EML3: variants seen among roughly 807,000 people sequenced by gnomAD.
EML3 encodes the protein EMAP like 3, also known as echinoderm microtubule-associated protein-like 3.
EML3 carries 53 observed loss-of-function variants against 106.7 expected under a neutral mutation model. The ratio of observed to expected loss-of-function variants is 0.50; its 90% confidence interval spans 0.40 to 0.62. EML3 has a LOEUF of 0.62. EML3 is among the 20% of genes least tolerant of loss of function. The probability of loss-of-function intolerance (pLI) is 0.00; values close to 1 mark genes in which losing one functional copy is unlikely to be tolerated. For synonymous variants in EML3, 499 were observed against 489.6 expected (o/e 1.02, Z -0.25); for missense variants, 994 against 1,209.1 (o/e 0.82, Z 2.64).
rs751526266 is a variant in EML3, at chr11:62,607,764, C to G, written c.1264G>C (p.Val422Leu). ...TGGACGTGAGATTTCCCACTGGTGA[C>G]GATGCAGCTGCTGTCACGAGGGTTG... ...GFNPRDSSCI[V>L]TSGKSHVHFW... Residue 422 changes from valine to leucine, a missense_variant, in exon 11 of 22, where the codon GTC (valine) becomes CTC (leucine). This residue lies in a region of EML3 where 713 missense variants were observed against 920.5 expected (regional missense o/e 0.77). Transcript: ENST00000394773. 1 of 1,613,914 alleles carries G rather than the reference C, an allele frequency of 6.2e-7. No homozygotes were observed. Among genetic ancestry groups the G allele is most frequent in the African/African-American group, 1.3e-5 (1 of 74,862 alleles).
chr11:62,610,733 A>G, intron 4 of EML3, 146 bp downstream of exon 4: 1 of 677,422 alleles, frequency 1.5e-6, no homozygotes, highest in Non-Finnish European at 2.5e-6. Flanking sequence ...TGCCCGGTAC[A>G]CAGCAGGCGC....
chr11:62,609,840 T>A (rs942853216), intron 4 of EML3, 144 bp from the exon 5 acceptor site: 5 of 643,080 alleles, frequency 7.8e-6, no homozygotes, highest in Non-Finnish European at 1.3e-5. Flanking sequence ...ATCAGGGCCC[T>A]AGTAGATGGA....
Position 62,603,834 on chromosome 11 carries a change from G to A in EML3, c.2170-18C>T. 1.2e-6 allele frequency: 2 copies of A among 1,613,762 alleles called. No homozygotes were observed. The highest frequency in any genetic ancestry group is 8.5e-7 in the Non-Finnish European group (1 of 1,179,684). ...GAGTGACCCTGGGAGCAAAGGTCAA[G>A]AGTTTTAAAGTATCCCATCCATTTC... On this transcript the variant is annotated intron_variant, in intron 18 of 21. Transcript: ENST00000394773.
intron 11 of EML3, 35 bp from the exon 12 acceptor site, chr11:62,607,134 AG>A: frequency 6.2e-7 from 1 of 1,609,080 alleles, no homozygotes; most frequent in Non-Finnish European, 8.5e-7. Flanking sequence ...TAGAGGTCAA[AG>A]GGAAGGGCAA....
chr11:62,612,109 T>G, intron 1 of EML3: 1 of 456,276 alleles, frequency 2.2e-6, no homozygotes, highest in East Asian at 4.1e-5. Context: ...GTGAGCAGAG[T>G]CACAGTGAAG....
At chr11:62,612,309 G>GA (rs1488357508) in intron 1 of EML3, 127 bp downstream of exon 1, 1 of 930,460 alleles carries the variant, frequency 1.1e-6, no homozygotes, top group Non-Finnish European at 1.6e-6. Flanking sequence ...AACTGTGGAG[G>GA]ATGCTCGGAG....
intron 1 of EML3, 136 bp downstream of exon 1, chr11:62,612,300 A>C: frequency 1.2e-6 from 1 of 832,150 alleles, no homozygotes; most frequent in Non-Finnish European, 1.8e-6. Context: ...GACCGGAGGA[A>C]CTGTGGAGGA....
chr11:62,602,947 G>C, intron 20 of EML3, 58 bp from the exon 21 acceptor site: 2 of 1,485,414 alleles, frequency 1.3e-6, no homozygotes, highest in Non-Finnish European at 1.8e-6. Context: ...ACGGCCCAGA[G>C]CTACACCATT....
chr11:62,612,582 C>G lies in EML3; in HGVS notation c.-125G>C. 3.1e-6 allele frequency: 3 copies of G among 980,988 alleles called. No individual in the cohort carries two copies. In the South Asian group the frequency reaches 8.5e-5, roughly 28 times the overall value. 60.8% of individuals were successfully genotyped at this position (980,988 alleles called of 1,614,324 possible). A position where few individuals can be genotyped will look rare whatever the true frequency, so the allele number is the denominator to read the frequency against. ...CGCGAAGGGCGCCGTACCACCACCC[C>G]GAGGGGGCGCTGTCGGGCGCGGGGA... On this transcript the variant is annotated 5_prime_UTR_variant, in exon 1 of 22. Transcript: ENST00000394773.
At chr11:62,607,934 G>A in intron 10 of EML3, 113 bp from the exon 11 acceptor site, 1 of 1,286,654 alleles carries the variant, frequency 7.8e-7, no homozygotes, top group Non-Finnish European at 1.1e-6. Flanking sequence ...GAAACCCCAG[G>A]ACAACCCTTC....
At chr11:62,609,589 C>G in intron 5 of EML3, 40 bp downstream of exon 5, 1 of 1,587,308 alleles carries the variant, frequency 6.3e-7, no homozygotes, top group East Asian at 2.3e-5. Context: ...AAATCCTAAC[C>G]CTGCCATCCA....
Position 62,604,090 on chromosome 11 carries a change from T to C in EML3, c.2071+23A>G, listed in dbSNP as rs370487074. The stretch of plus-strand genomic sequence containing the variant: ...GGGAAGGGCCAGGGACGCATGTGAG[T>C]CCAGGGTTGGGGTGGCTCCCACCTG... On this transcript the variant is annotated intron_variant, in intron 17 of 21. Coordinates refer to ENST00000394773, the MANE Select transcript of EML3 (RefSeq NM_153265.3). 5.1e-5 allele frequency: 82 copies of C among 1,613,620 alleles called. No individual in the cohort carries two copies. In the African/African-American group the frequency reaches 9.0e-4, roughly 18 times the overall value.
Position 62,612,496 on chromosome 11 carries a change from G to T in EML3, c.-39C>A. 1 of 1,395,414 alleles carries T rather than the reference G, an allele frequency of 7.2e-7. No individual in the cohort carries two copies. The highest frequency in any genetic ancestry group is 1.6e-5 in the South Asian group (1 of 63,744). 86.4% of individuals were successfully genotyped at this position (1,395,414 alleles called of 1,614,324 possible). ...TGCTCCGAGCGGCGGCGGCGGAGGA[G>T]GCGTCTAAGCCGCGGGGGCCACGGC... On this transcript the variant is annotated 5_prime_UTR_variant, in exon 1 of 22. Transcript: ENST00000394773.
rs1942394946 is a variant in EML3, at chr11:62,604,130, A to G, written c.2054T>C (p.Val685Ala). The G allele has an allele frequency of 6.2e-7, 1 of 1,613,968 alleles. No homozygotes were observed. The highest frequency in any genetic ancestry group is 1.3e-5 in the African/African-American group (1 of 74,906). ...DVIDGNEQLS[V>A]VRYSPDGLYL... is the part of the protein sequence containing the mutation. ...GCTCCCACCTGGGCTGTACCGGACC[A>G]CTGAGAGCTGCTCATTGCCATCAAT... The change falls in exon 17 of 22, where the codon GTG becomes GCG. Residue 685 changes from valine to alanine, a missense_variant. Val to Ala is a moderately conservative substitution (Grantham distance 64). This residue lies in a region of EML3 where 713 missense variants were observed against 920.5 expected (regional missense o/e 0.77). Coordinates refer to ENST00000394773, the MANE Select transcript of EML3 (RefSeq NM_153265.3).
In EML3 at chr11:62,603,231, G is replaced by T. The variant is rs762850607; in HGVS notation, c.2274C>A (p.Gly758=). 1.2e-6 allele frequency: 2 copies of T among 1,613,716 alleles called. No homozygotes were observed. Among genetic ancestry groups the T allele is most frequent in the Admixed American group, 3.3e-5 (2 of 60,018 alleles). Residue 758 remains glycine (G), a synonymous_variant, in exon 20 of 22, where the codon GGC becomes GGA. Transcript: ENST00000394773. ...CATAGCGATTCTTCAGCTGCTTGCA[G>T]CCTCCAGCCACGTCCCCTGGGGAGA... ...YEILYWDVAG[G]CKQLKNRYES...
At chr11:62,603,653 A>G (rs963646526) in intron 19 of EML3, 76 bp downstream of exon 19, 2 of 1,254,428 alleles carry the variant, frequency 1.6e-6, no homozygotes, top group Admixed American at 1.9e-5. Context: ...TTATCTAACA[A>G]CACCTCTAAC....
intron 12 of EML3, 99 bp downstream of exon 12, chr11:62,606,859 A>C (rs1942547890): frequency 8.5e-6 from 9 of 1,056,284 alleles, no homozygotes; most frequent in South Asian, 7.6e-5. Context: ...CTCATCTCAA[A>C]AAAAAAAAAA....
In EML3 at chr11:62,605,938, G is replaced by A; in HGVS notation, c.1699C>T (p.Leu567Phe). The A allele has an allele frequency of 6.2e-7, 1 of 1,614,208 alleles. No individual in the cohort carries two copies. Among genetic ancestry groups the A allele is most frequent in the East Asian group, 2.2e-5 (1 of 44,890 alleles). The change falls in exon 14 of 22, where the codon CTT becomes TTT. Residue 567 changes from leucine (L) to phenylalanine (F), a missense_variant. By Grantham distance (22) the Leu-to-Phe change is conservative. Transcript: ENST00000394773. The surrounding 1 kb of genome is among the most constrained non-coding windows in gnomAD (Gnocchi z 5.2). Reference sequence around the variant, plus strand: ...GTTCCCACCAGCAGCTCAGAGCCAAGCCCTTCAGCAATGGCTCGCACGGCC... The same window carrying A: ...GTTCCCACCAGCAGCTCAGAGCCAAACCCTTCAGCAATGGCTCGCACGGCC... ...FGAVRAIAEG[L>F]GSELLVGTTK...
At position 62,605,118 on chromosome 11, in the gene EML3, C is replaced by A. The variant is rs1188977770; in HGVS notation, c.1977G>T (p.Thr659=). The change falls in exon 16 of 22, where the codon ACG becomes ACT. Residue 659 remains threonine (T), a synonymous_variant. Coordinates refer to ENST00000394773, the MANE Select transcript of EML3 (RefSeq NM_153265.3). This position sits in a 1 kb window ranked among gnomAD's most constrained non-coding sequence, Gnocchi z 5.2. ...GAGTCCTGGCTCTCTCTCACCTCCCCGTGTTCAGTCCTACGGCCACAACTG... is the reference window on the plus strand; with the variant it reads ...GAGTCCTGGCTCTCTCTCACCTCCCAGTGTTCAGTCCTACGGCCACAACTG... ...SGAVVAVGLN[T]GRWLVLDTET... 1 of 1,612,052 alleles carries A rather than the reference C, an allele frequency of 6.2e-7. No individual in the cohort carries two copies. Among genetic ancestry groups the A allele is most frequent in the South Asian group, 1.1e-5 (1 of 90,900 alleles).
Sources: allele counts gnomAD v4.1 joint callset, GRCh38; gene constraint gnomAD v4.1.1; regional missense constraint gnomAD v4.1.1; non-coding constraint Gnocchi (gnomAD v3.1); transcripts MANE v1.5; gene names NCBI Gene and HGNC (gene_info 2026-07-23, HGNC 2026-07-21).